The following FSTL5 variants were observed in gnomAD, a reference collection of about 807,000 sequenced individuals.
FSTL5 encodes follistatin-related protein 5.
In FSTL5, 62 loss-of-function variants were observed where a neutral mutation model predicts 89.1. That is an observed-to-expected ratio of 0.70 (90% CI 0.57 to 0.86). The LOEUF is 0.86. Among genes scored for constraint, FSTL5 ranks in the 40% least tolerant of loss-of-function variants. The pLI, the probability that FSTL5 is intolerant of heterozygous loss-of-function variation, is 0.00. For missense variants in FSTL5, 1,057 were observed against 1,001.6 expected (o/e 1.06, Z -0.75); for synonymous variants, 383 against 346.2 (o/e 1.11, Z -1.18).
At chr4:161,708,814 C>T (rs1484567569) in intron 6 of FSTL5, among the ~76,000 whole-genome samples, 7 of 152,046 alleles carry the variant, frequency 4.6e-5, no homozygotes, top group Non-Finnish European at 8.8e-5. Context: ...GATGCTAGTT[C>T]TAGATCTATG....
In FSTL5 at chr4:161,949,780, A is replaced by T. The variant is rs547638614; in HGVS notation, c.161-29128T>A. Among the ~76,000 whole-genome samples the T allele has an allele frequency of 2.8e-3, 415 of 147,584 alleles. 3 individuals carry two copies. Among genetic ancestry groups the T allele is most frequent in the Middle Eastern group, 0.01 (3 of 288 alleles). ...GTCCAAGCTAAAAGTTTTTTTTTTT[A>T]AATTAACATTTACATTTGGATTTTT... On this transcript the variant is annotated intron_variant, in intron 3 of 15. Coordinates refer to ENST00000306100, the MANE Select transcript of FSTL5 (RefSeq NM_020116.5).
At chr4:161,811,901 TAGAA>T (rs1730161229) in intron 4 of FSTL5, among the ~76,000 whole-genome samples, 1 of 152,200 alleles carries the variant, frequency 6.6e-6, no homozygotes, top group Admixed American at 6.5e-5. Context: ...TGAATACATA[TAGAA>T]TGTTCCGAGG....
intron 2 of FSTL5, among the ~76,000 whole-genome samples, chr4:162,088,143 A>ATT (rs1176428239): frequency 1.3e-5 from 2 of 151,998 alleles, no homozygotes; most frequent in Non-Finnish European, 2.9e-5. Flanking sequence ...TATGTGTGCC[A>ATT]TTACAAGCAA....
intron 1 of FSTL5, among the ~76,000 whole-genome samples, chr4:162,123,764 AG>A: frequency 6.6e-6 from 1 of 152,318 alleles, no homozygotes; most frequent in Admixed American, 6.5e-5. Flanking sequence ...GTTTTCAGCA[AG>A]AGACATATAA....
intron 4 of FSTL5, among the ~76,000 whole-genome samples, chr4:161,829,522 T>A (rs1730777129): frequency 6.6e-6 from 1 of 152,000 alleles, no homozygotes; most frequent in African/African-American, 2.4e-5. Flanking sequence ...AAATTTATAA[T>A]CATTTCACTT....
At position 161,389,038 on chromosome 4, in the gene FSTL5, G is replaced by A. The variant is rs28493235; in HGVS notation, c.1842-2589C>T. Among the ~76,000 whole-genome samples the A allele has an allele frequency of 5.3e-3, 806 of 152,214 alleles. 5 individuals carry two copies. Among genetic ancestry groups the A allele is most frequent in the African/African-American group, 0.018 (734 of 41,560 alleles). ...TAGGGCTGGAGATGTAGCTACATAA[G>A]CAGATGCATGAGAATGCCTGCAATT... On this transcript the variant is annotated intron_variant, in intron 15 of 15. Transcript: ENST00000306100.
At chr4:161,544,280 T>A (rs1374378913) in intron 8 of FSTL5, among the ~76,000 whole-genome samples, 1 of 152,000 alleles carries the variant, frequency 6.6e-6, no homozygotes, top group East Asian at 1.9e-4. Context: ...AAACTGGAAC[T>A]CTTGCACATT....
At chr4:161,898,798 T>G (rs1433494738) in intron 4 of FSTL5, among the ~76,000 whole-genome samples, 1 of 151,638 alleles carries the variant, frequency 6.6e-6, no homozygotes, top group East Asian at 1.9e-4. Flanking sequence ...CCCGGCTAAT[T>G]TTTTGTATTT....
chr4:161,417,676 T>C (rs1335327606), intron 15 of FSTL5, among the ~76,000 whole-genome samples: 1 of 152,240 alleles, frequency 6.6e-6, no homozygotes, highest in Admixed American at 6.5e-5. Flanking sequence ...TTTCCTCATC[T>C]GTAAGATACG....
Position 161,640,288 on chromosome 4 carries a change from C to T in FSTL5, c.894+16040G>A, listed in dbSNP as rs563915524. On this transcript the variant is annotated intron_variant, in intron 7 of 15. Coordinates refer to ENST00000306100, the MANE Select transcript of FSTL5 (RefSeq NM_020116.5). ...ACATGTATATGAAGAAATGGGAAAG[C>T]CTGGCCCATTCAAAGGAAAAGAGTA... Among the ~76,000 whole-genome samples, 198 of 152,182 alleles carry T rather than the reference C, an allele frequency of 1.3e-3. 7 individuals carry two copies. In the South Asian group the frequency reaches 0.037, roughly 29 times the overall value.
intron 6 of FSTL5, among the ~76,000 whole-genome samples, chr4:161,749,196 G>A (rs1459856291): frequency 6.6e-6 from 1 of 152,010 alleles, no homozygotes; most frequent in African/African-American, 2.4e-5. Context: ...CCAAAAGAAA[G>A]GAAATCATTA....
chr4:161,490,467 T>A (rs531944303), intron 12 of FSTL5, among the ~76,000 whole-genome samples: 1 of 152,282 alleles, frequency 6.6e-6, no homozygotes, highest in African/African-American at 2.4e-5. Context: ...CATGGAAGGA[T>A]AAATCAGGTG....
intron 10 of FSTL5, among the ~76,000 whole-genome samples, chr4:161,528,651 C>T (rs535516304): frequency 8.4e-5 from 12 of 143,570 alleles, no homozygotes; most frequent in African/African-American, 3.0e-4. Flanking sequence ...GTTTTGTTAA[C>T]TCTTTGCACA....
intron 4 of FSTL5, among the ~76,000 whole-genome samples, chr4:161,842,194 C>CTATA (rs1174842756): frequency 1.3e-5 from 2 of 152,172 alleles, no homozygotes; most frequent in Non-Finnish European, 2.9e-5. Flanking sequence ...AATATAAATG[C>CTATA]TATAGGCTCA....
At chr4:162,055,881 C>A (rs990235533) in intron 2 of FSTL5, among the ~76,000 whole-genome samples, 1 of 151,762 alleles carries the variant, frequency 6.6e-6, no homozygotes, top group Admixed American at 6.6e-5. Context: ...GGCACTTGAA[C>A]TTTTATATAT....
rs1001123010 is a variant in FSTL5, at chr4:161,445,605, A to T, written c.1841+9399T>A. On this transcript the variant is annotated intron_variant, in intron 15 of 15. Transcript: ENST00000306100. ...AAAATATTAAAAGATGTTAAAACAG[A>T]TTAATTTCAAATTTATCTGTTAAAA... Among the ~76,000 whole-genome samples the T allele has an allele frequency of 4.6e-5, 7 of 152,130 alleles. No homozygotes were observed. In the South Asian group the frequency reaches 6.2e-4, roughly 13 times the overall value.
intron 3 of FSTL5, among the ~76,000 whole-genome samples, chr4:162,004,073 A>G (rs1033781392): frequency 2.6e-5 from 4 of 151,930 alleles, no homozygotes; most frequent in African/African-American, 9.7e-5. Context: ...CAACCTCTCC[A>G]TATTGTGTTC....
chr4:161,709,859 CTA>C (rs778195257), intron 6 of FSTL5, among the ~76,000 whole-genome samples: 4 of 151,930 alleles, frequency 2.6e-5, no homozygotes, highest in African/African-American at 9.7e-5. Flanking sequence ...TTTTGAACCT[CTA>C]GAGTGGAACA....
In FSTL5 at chr4:161,528,382, G is replaced by A. The variant is rs189775601; in HGVS notation, c.1312+9784C>T. 9.6e-4 allele frequency among the ~76,000 whole-genome samples: 138 copies of A among 143,074 alleles called. 17 individuals carry two copies. Among genetic ancestry groups the A allele is most frequent in the African/African-American group, 3.2e-3 (128 of 40,064 alleles). 93.9% of individuals were successfully genotyped at this position (143,074 alleles called of 152,430 possible). On this transcript the variant is annotated intron_variant, in intron 10 of 15. Transcript: ENST00000306100. ...AAATATAAAATGCACATATAGTTGG[G>A]ATATAAAGCAAAAAAGGAGGAAGAA...
Sources: allele counts gnomAD v4.1 joint callset (sites outside exome capture counted in the v4.1 genomes callset), GRCh38; gene constraint gnomAD v4.1.1; transcripts MANE v1.5; gene names NCBI Gene and HGNC (gene_info 2026-07-23, HGNC 2026-07-21).